The following TERB1 variants were observed in gnomAD, a reference collection of about 807,000 sequenced individuals.
TERB1 encodes the protein telomere repeat binding bouquet formation protein 1.
A neutral mutation model predicts 92.3 loss-of-function variants in TERB1; 63 were observed. That is an observed-to-expected ratio of 0.68 (90% CI 0.56 to 0.84). TERB1 has a LOEUF of 0.84. Among genes scored for constraint, TERB1 ranks in the 40% least tolerant of loss-of-function variants. The pLI is 0.00. For synonymous variants in TERB1, 252 were observed against 283.9 expected (o/e 0.89, Z 1.13); for missense variants, 709 against 843.7 (o/e 0.84, Z 1.98).
intron 9 of TERB1, 64 bp from the exon 10 acceptor site, chr16:66,779,079 ATAAATCTGCAT>A: frequency 8.4e-7 from 1 of 1,195,948 alleles, no homozygotes; most frequent in Non-Finnish European, 1.1e-6. Flanking sequence ...GTTTTATTCA[ATAAATCTGCAT>A]TAAATATAAC....
At position 66,790,731 on chromosome 16, in the gene TERB1, A is replaced by G; in HGVS notation, c.143-8T>C. Reference sequence around the variant, plus strand: ...AATAAACACTTGCATTACCTGTAGGATGTGCAGAAAAAAAACAAAATAGAA... The same window carrying G: ...AATAAACACTTGCATTACCTGTAGGGTGTGCAGAAAAAAAACAAAATAGAA... On this transcript the variant is annotated splice_polypyrimidine_tract_variant and splice_region_variant and intron_variant, in intron 4 of 18. Coordinates refer to ENST00000433154, the MANE Select transcript of TERB1 (RefSeq NM_001136505.2). 6.5e-7 allele frequency: 1 copy of G among 1,547,430 alleles called. No individual in the cohort carries two copies. The highest frequency in any genetic ancestry group is 1.4e-5 in the African/African-American group (1 of 72,908).
At chr16:66,769,820 A>G in intron 14 of TERB1, 143 bp downstream of exon 14, 1 of 666,298 alleles carries the variant, frequency 1.5e-6, no homozygotes, top group East Asian at 2.7e-5. Flanking sequence ...TCCTTTCCCA[A>G]CACTTCCTAC....
chr16:66,796,690 T>C (rs1959197543), intron 3 of TERB1, 78 bp downstream of exon 3: 1 of 997,324 alleles, frequency 1.0e-6, no homozygotes, highest in Admixed American at 2.1e-5. Flanking sequence ...TTTCATTTCC[T>C]GGATCCTGTC....
chr16:66,786,268 C>G lies in TERB1; in HGVS notation c.418G>C (p.Val140Leu). 1 of 1,549,102 alleles carries G rather than the reference C, an allele frequency of 6.5e-7. No individual in the cohort carries two copies. The highest frequency in any genetic ancestry group is 8.7e-7 in the Non-Finnish European group (1 of 1,145,796). Reference protein sequence around the residue: ...VSNNRTGQTLVRETGCITVLS... With the variant: ...VSNNRTGQTLLRETGCITVLS... ...ACTGTAATACAACCTGTTTCTCTCA[C>G]AAGTGTTTGTCCGGTCCCTTAAAAA... Residue 140 changes from valine (V) to leucine (L), a missense_variant, in exon 7 of 19, where the codon GTG (valine) becomes CTG (leucine). Transcript: ENST00000433154.
intron 2 of TERB1, among the ~76,000 whole-genome samples, chr16:66,797,112 T>C (rs1429273794): frequency 8.5e-5 from 13 of 152,190 alleles, no homozygotes; most frequent in Non-Finnish European, 1.5e-4. Flanking sequence ...CATAATTACA[T>C]TGAAAAACAT....
chr16:66,782,244 T>A (rs1313490144), intron 9 of TERB1, among the ~76,000 whole-genome samples: 1 of 152,166 alleles, frequency 6.6e-6, no homozygotes. Context: ...CTCACTTTTG[T>A]TTCCTTAATC....
chr16:66,775,039 G>T, intron 12 of TERB1, 79 bp downstream of exon 12: 1 of 1,404,018 alleles, frequency 7.1e-7, no homozygotes, highest in Non-Finnish European at 9.7e-7. Context: ...GAGCTATAGG[G>T]CCTTGGCTCA....
chr16:66,781,584 A>G (rs914715958), intron 9 of TERB1, among the ~76,000 whole-genome samples: 7 of 147,930 alleles, frequency 4.7e-5, no homozygotes, highest in African/African-American at 1.7e-4. Flanking sequence ...CAGTGGCGCA[A>G]TCTTGGCTCA....
At chr16:66,784,448 C>T (rs1422210033) in intron 9 of TERB1, among the ~76,000 whole-genome samples, 1 of 151,964 alleles carries the variant, frequency 6.6e-6, no homozygotes, top group East Asian at 1.9e-4. Flanking sequence ...TCTCCTGCCT[C>T]AGCCACCCGA....
chr16:66,769,993 G>A lies in TERB1; in HGVS notation c.1589C>T (p.Thr530Ile). The change falls in exon 14 of 19, where the codon ACT becomes ATT. Residue 530 changes from threonine to isoleucine, a missense_variant. Physicochemically the swap from Thr to Ile is moderately conservative, Grantham distance 89. Transcript: ENST00000433154. ...TTGAGAAACAAAATTCTTTTCAAAA[G>A]TAGTTTCTTCATGTAAGTTTTGATT... ...SCNQNLHEETTFEKNFVSQSS... is the reference protein window; with the variant it reads ...SCNQNLHEETIFEKNFVSQSS... The A allele has an allele frequency of 6.5e-7, 1 of 1,550,308 alleles. No individual in the cohort carries two copies. The highest frequency in any genetic ancestry group is 8.7e-7 in the Non-Finnish European group (1 of 1,146,620).
chr16:66,767,332 CTG>C (rs2018363562), intron 16 of TERB1, 81 bp downstream of exon 16: 1 of 750,848 alleles, frequency 1.3e-6, no homozygotes, highest in Non-Finnish European at 2.2e-6. Context: ...GAGTAAGACT[CTG>C]TATCAAAAAA....
chr16:66,760,976 G>A (rs1362053289), intron 16 of TERB1, among the ~76,000 whole-genome samples: 1 of 142,486 alleles, frequency 7.0e-6, no homozygotes, highest in African/African-American at 2.6e-5. Context: ...GCCAGGCATG[G>A]TGGTGGGTGC....
intron 16 of TERB1, among the ~76,000 whole-genome samples, chr16:66,761,137 GA>G (rs2018239370): frequency 8.8e-5 from 12 of 136,842 alleles, no homozygotes; most frequent in African/African-American, 1.9e-4. Flanking sequence ...GAAAAGAAAA[GA>G]AAAAGAAAAA....
Position 66,770,170 on chromosome 16 carries a change from T to C in TERB1, c.1412A>G (p.Gln471Arg), listed in dbSNP as rs2018421818. ...TCCATGGGACTTATAACTCTGTAAC[T>C]GTCTAGAATGGCTTTTATCCTCATC... ...AEDEDKSHSR[Q>R]LQSYKSHGVM... is the part of the protein sequence containing the mutation. The change falls in exon 14 of 19, where the codon CAG (glutamine) becomes CGG (arginine). Residue 471 changes from glutamine (Q) to arginine (R), a missense_variant. Gln to Arg is a conservative substitution (Grantham distance 43). Coordinates refer to ENST00000433154, the MANE Select transcript of TERB1 (RefSeq NM_001136505.2). 6.4e-7 allele frequency: 1 copy of C among 1,552,382 alleles called. No individual in the cohort carries two copies.
chr16:66,767,510 T>C lies in TERB1; in HGVS notation c.1685A>G (p.Asp562Gly), dbSNP rs1406898892. ...TATATCTGAACATAATGTAAATGGA[T>C]CTGAAAAAAATTGCAAAATGAAGGA... ...KNIKQQLPVT[D>G]PFTLCSDIIN... is the part of the protein sequence containing the mutation. Residue 562 changes from aspartate (D) to glycine (G), a missense_variant and splice_region_variant, in exon 16 of 19, where the codon GAT becomes GGT. Transcript: ENST00000433154. 1.4e-6 allele frequency: 2 copies of C among 1,431,820 alleles called. No individual in the cohort carries two copies. The highest frequency in any genetic ancestry group is 1.4e-5 in the South Asian group (1 of 73,742). The allele number at this position is 1,431,820 out of a possible 1,614,324, so 88.7% of individuals were successfully genotyped here.
chr16:66,759,094 A>C, intron 17 of TERB1, 47 bp downstream of exon 17: 1 of 1,405,194 alleles, frequency 7.1e-7, no homozygotes, highest in Non-Finnish European at 9.6e-7. Flanking sequence ...ATAATAGTTC[A>C]GAAGGTATAG....
rs927769016 is a variant in TERB1 at position 66,791,008 on chromosome 16, C to G, written c.43G>C (p.Asp15His). ...DTKKTQEMKTDLNLLLECLKY... is the reference protein window; with the variant it reads ...DTKKTQEMKTHLNLLLECLKY... ...AGACACTCCAATAATAAGTTCAGGT[C>G]AGTCTTCATTTCTAAAGAACAAAAA... The change falls in exon 4 of 19, where the codon GAC becomes CAC. Residue 15 changes from aspartate (D) to histidine (H), a missense_variant. Asp to His is a moderately conservative substitution (Grantham distance 81). Transcript: ENST00000433154. 2 of 1,525,296 alleles carry G rather than the reference C, an allele frequency of 1.3e-6. No individual in the cohort carries two copies. The highest frequency in any genetic ancestry group is 2.8e-5 in the African/African-American group (2 of 72,274). The allele number at this position is 1,525,296 out of a possible 1,614,324, so 94.5% of individuals were successfully genotyped here. A position where few individuals can be genotyped will look rare whatever the true frequency, so the allele number is the denominator to read the frequency against.
chr16:66,769,087 A>G (rs2018398860), intron 14 of TERB1, among the ~76,000 whole-genome samples: 1 of 151,582 alleles, frequency 6.6e-6, no homozygotes, highest in Non-Finnish European at 1.5e-5. Context: ...CCTGGGCAAC[A>G]AGAGCGAAAC....
chr16:66,760,513 T>C, intron 16 of TERB1, among the ~76,000 whole-genome samples: 1 of 94,396 alleles, frequency 1.1e-5, no homozygotes, highest in Admixed American at 1.2e-4. Context: ...CTAGGTTGGG[T>C]GCAATGGCTC....
Sources: gnomAD v4.1 joint callset for allele counts (sites outside exome capture counted in the v4.1 genomes callset) on GRCh38, gnomAD v4.1.1 for gene constraint, MANE v1.5 for transcripts, NCBI Gene and HGNC (gene_info 2026-07-23, HGNC 2026-07-21) for gene names.